The following VEGFD variants were observed in gnomAD, a reference collection of about 807,000 sequenced individuals.
VEGFD encodes vascular endothelial growth factor D.
Under a neutral mutation model 28.0 loss-of-function variants are expected in VEGFD, and 26 were observed. The ratio of observed to expected loss-of-function variants is 0.93; its 90% CI spans 0.68 to 1.29. The LOEUF is 1.29. VEGFD is among the 50% of genes most tolerant of loss of function. VEGFD has a pLI of 0.00. For missense variants in VEGFD, 294 were observed against 273.4 expected (o/e 1.08, Z -0.53); for synonymous variants, 93 against 95.5 (o/e 0.97, Z 0.15).
rs186094516 is a variant in VEGFD at position 15,354,290 on chromosome X, A to C, written c.641+860T>G. Among the ~76,000 whole-genome samples, 436 of 111,470 alleles carry C rather than the reference A, an allele frequency of 3.9e-3. 3 individuals carry two copies. Among genetic ancestry groups the C allele is most frequent in the African/African-American group, 0.014 (414 of 30,646 alleles). ...CCGGCCCCTAAGATTATTTTCTTTA[A>C]AATAAAGATAAAAGCATTGGCCAGA... On this transcript the variant is annotated intron_variant, in intron 4 of 6. Transcript: ENST00000297904.
At chrX:15,368,035 GAA>G (rs1923205374) in intron 1 of VEGFD, among the ~76,000 whole-genome samples, 1 of 37,432 alleles carries the variant, frequency 2.7e-5, no homozygotes, top group African/African-American at 1.1e-4. Flanking sequence ...AGAAAGGAAA[GAA>G]GAAAGAAAGA....
chrX:15,381,333 A>G (rs1289853567), intron 1 of VEGFD, among the ~76,000 whole-genome samples: 1 of 111,095 alleles, frequency 9.0e-6, no homozygotes, highest in Non-Finnish European at 1.9e-5. Context: ...AAACTGGACA[A>G]TCTTCAAAGC....
At chrX:15,378,996 A>G (rs749428738) in intron 1 of VEGFD, among the ~76,000 whole-genome samples, 10 of 111,151 alleles carry the variant, frequency 9.0e-5, no homozygotes, top group Non-Finnish European at 1.5e-4. Context: ...ATCGAAGCCA[A>G]CTTGCTGCGC....
chrX:15,364,599 C>T (rs1405074470), intron 1 of VEGFD, among the ~76,000 whole-genome samples: 1 of 111,704 alleles, frequency 9.0e-6, no homozygotes, highest in Non-Finnish European at 1.9e-5. Flanking sequence ...TGGCTAGGGC[C>T]TCCGATTTTC....
intron 1 of VEGFD, among the ~76,000 whole-genome samples, chrX:15,364,592 C>T (rs1295763834): frequency 8.9e-6 from 1 of 111,928 alleles, no homozygotes; most frequent in East Asian, 2.8e-4. Flanking sequence ...CTATCTATGG[C>T]TAGGGCCTCC....
In VEGFD at chrX:15,384,403, G is replaced by A. The variant is rs1446002869; in HGVS notation, c.-457C>T. ...ACAACCTTCATGGAAGCTTGCAGAA[G>A]CATGTGTCTTAAATCTGACACAGAT... On this transcript the variant is annotated 5_prime_UTR_variant, in exon 1 of 7. Coordinates refer to ENST00000297904, the MANE Select transcript of VEGFD (RefSeq NM_004469.5). 8.1e-6 allele frequency: 1 copy of A among 123,078 alleles called. No homozygotes were observed. The highest frequency in any genetic ancestry group is 1.7e-5 in the Non-Finnish European group (1 of 60,434). 10.1% of individuals were successfully genotyped at this position (123,078 alleles called of 1,213,427 possible). A position where few individuals can be genotyped will look rare whatever the true frequency, so the allele number is the denominator to read the frequency against.
At position 15,384,012 on chromosome X, in the gene VEGFD, C is replaced by T; in HGVS notation, c.-66G>A. ...ATCAGGCAGCTAGAGAAAATTGTTT[C>T]AAAAGGCATTCTCCAGAAGGAAAGT... On this transcript the variant is annotated 5_prime_UTR_variant, in exon 1 of 7. Coordinates refer to ENST00000297904, the MANE Select transcript of VEGFD (RefSeq NM_004469.5). The T allele has an allele frequency of 1.2e-6, 1 of 821,297 alleles. No homozygotes were observed. The highest frequency in any genetic ancestry group is 1.8e-6 in the Non-Finnish European group (1 of 545,179). 67.7% of individuals were successfully genotyped at this position (821,297 alleles called of 1,213,427 possible). A position where few individuals can be genotyped will look rare whatever the true frequency, so the allele number is the denominator to read the frequency against.
rs1922833790 is a variant in VEGFD, at chrX:15,355,187, T to C, written c.604A>G (p.Ile202Val). 1 of 1,203,638 alleles carries C rather than the reference T, an allele frequency of 8.3e-7. No homozygotes were observed. The highest frequency in any genetic ancestry group is 1.1e-6 in the Non-Finnish European group (1 of 892,994). The change falls in exon 4 of 7, where the codon ATT becomes GTT. Residue 202 changes from isoleucine to valine, a missense_variant. Ile to Val is a conservative substitution (Grantham distance 29). Coordinates refer to ENST00000297904, the MANE Select transcript of VEGFD (RefSeq NM_004469.5). Reference sequence around the variant, plus strand: ...GGGATCTGGATGGATCTTCTGATAATTGAGTATGGATGGCGGGGGGCTGTT... The same window carrying C: ...GGGATCTGGATGGATCTTCTGATAACTGAGTATGGATGGCGGGGGGCTGTT... ...LPTAPRHPYS[I>V]IRRSIQIPEE...
At chrX:15,368,175 GGAGA>G (rs1020733738) in intron 1 of VEGFD, among the ~76,000 whole-genome samples, 1 of 110,197 alleles carries the variant, frequency 9.1e-6, no homozygotes, top group African/African-American at 3.3e-5. Context: ...AGAAAAGAAA[GGAGA>G]GAAAGAGAAA....
intron 2 of VEGFD, among the ~76,000 whole-genome samples, chrX:15,359,183 C>T (rs1270573688): frequency 3.6e-5 from 4 of 109,891 alleles, no homozygotes; most frequent in African/African-American, 1.3e-4. Flanking sequence ...GTGAGCTGAA[C>T]CTAGTAACTT....
rs540039917 is a variant in VEGFD, at chrX:15,363,318, C to T, written c.92G>A (p.Arg31Gln). Reference protein sequence around the residue: ...GSSNEHGPVKRSSQSTLERSE... With the variant: ...GSSNEHGPVKQSSQSTLERSE... The stretch of plus-strand genomic sequence containing the variant: ...TCGTTCCAATGTGGACTGAGATGAT[C>T]GCTTAAAAAAACAAAAATACCAGTT... The change falls in exon 2 of 7, where the codon CGA (arginine) becomes CAA (glutamine). Residue 31 changes from arginine to glutamine, a missense_variant and splice_region_variant. Arg to Gln is a conservative substitution (Grantham distance 43). Transcript: ENST00000297904. 6.7e-6 allele frequency: 8 copies of T among 1,193,489 alleles called. No individual in the cohort carries two copies. The highest frequency in any genetic ancestry group is 3.7e-5 in the South Asian group (2 of 54,065).
chrX:15,367,965 A>G (rs1019712102), intron 1 of VEGFD, among the ~76,000 whole-genome samples: 16 of 93,047 alleles, frequency 1.7e-4, no homozygotes, highest in Non-Finnish European at 3.1e-4. Flanking sequence ...AAAGAAAGAA[A>G]GAAAGAAAGA....
At chrX:15,355,347 C>A (rs4531212) in intron 3 of VEGFD, 49 bp from the exon 4 acceptor site, 44 of 1,028,392 alleles carry the variant, frequency 4.3e-5, no homozygotes, top group Non-Finnish European at 5.4e-5. Context: ...TTTTATATAT[C>A]ATTTTTAAAG....
At chrX:15,373,371 T>C (rs918349972) in intron 1 of VEGFD, among the ~76,000 whole-genome samples, 8 of 111,710 alleles carry the variant, frequency 7.2e-5, no homozygotes, top group African/African-American at 2.3e-4. Flanking sequence ...TTGTTCTATA[T>C]ATATGGAAAA....
chrX:15,366,068 G>A (rs758832000), intron 1 of VEGFD, among the ~76,000 whole-genome samples: 16 of 111,475 alleles, frequency 1.4e-4, no homozygotes, highest in Admixed American at 8.6e-4. Flanking sequence ...GTGCAGTGGC[G>A]CGATCTCGGC....
At chrX:15,349,880 A>T (rs1438962088) in intron 5 of VEGFD, among the ~76,000 whole-genome samples, 6 of 111,437 alleles carry the variant, frequency 5.4e-5, no homozygotes, top group African/African-American at 2.0e-4. Context: ...AATGAATGTG[A>T]ACTTGATCCA....
chrX:15,349,361 A>G lies in VEGFD; in HGVS notation c.743-2002T>C, dbSNP rs146144140. On this transcript the variant is annotated intron_variant, in intron 5 of 6. Coordinates refer to ENST00000297904, the MANE Select transcript of VEGFD (RefSeq NM_004469.5). ...TGGCAGAGTCTGTGCTCACATCCTT[A>G]TAGCCAAGTTAAAAGAAACAAAAAC... is the stretch of plus-strand genomic sequence containing the variant. 1.9e-3 allele frequency among the ~76,000 whole-genome samples: 211 copies of G among 112,300 alleles called. No homozygotes were observed. In the East Asian group the frequency reaches 0.026, roughly 14 times the overall value.
At chrX:15,358,816 A>T (rs1418340732) in intron 2 of VEGFD, among the ~76,000 whole-genome samples, 2 of 112,370 alleles carry the variant, frequency 1.8e-5, no homozygotes, top group Non-Finnish European at 1.9e-5. Context: ...TCCTTTGACC[A>T]TAGTTAATTT....
chrX:15,351,332 G>T (rs1326362870), intron 5 of VEGFD, among the ~76,000 whole-genome samples: 1 of 105,667 alleles, frequency 9.5e-6, no homozygotes, highest in Non-Finnish European at 1.9e-5. Context: ...TTTTAGCCAG[G>T]ATGGTCTCAA....
Sources: gnomAD v4.1 joint callset for allele counts (sites outside exome capture counted in the v4.1 genomes callset) on GRCh38, gnomAD v4.1.1 for gene constraint, MANE v1.5 for transcripts, NCBI Gene and HGNC (gene_info 2026-07-23, HGNC 2026-07-21) for gene names.